PTPRD: variants seen among roughly 807,000 people sequenced by gnomAD.
PTPRD encodes the protein receptor-type tyrosine-protein phosphatase delta.
Under a neutral mutation model 214.5 loss-of-function variants are expected in PTPRD, and 34 were observed. The observed-to-expected ratio is 0.16, with a 90% confidence interval of 0.12 to 0.21. PTPRD has a LOEUF of 0.21. Among genes scored for constraint, PTPRD ranks in the 10% least tolerant of loss-of-function variants. The probability of loss-of-function intolerance (pLI) is 1.00; values close to 1 mark genes in which losing one functional copy is unlikely to be tolerated. For missense variants in PTPRD, 2,545 were observed against 2,398.7 expected, an observed-to-expected ratio of 1.06 and a Z score of -1.27; for synonymous variants, 1,128 against 845.7, an observed-to-expected ratio of 1.33 and a Z score of -5.79.
intron 11 of PTPRD, among the ~76,000 whole-genome samples, chr9:9,008,762 T>G (rs887601242): frequency 6.6e-6 from 1 of 152,280 alleles, no homozygotes; most frequent in African/African-American, 2.4e-5. Context: ...ATTACTGGGA[T>G]TTGCTGGTAA....
intron 11 of PTPRD, among the ~76,000 whole-genome samples, chr9:8,749,036 T>C (rs2093228498): frequency 6.6e-6 from 1 of 152,212 alleles, no homozygotes. Context: ...ATACATTTAC[T>C]ATGCTACTAA....
intron 9 of PTPRD, among the ~76,000 whole-genome samples, chr9:9,228,077 C>G (rs1176380339): frequency 6.6e-6 from 1 of 152,074 alleles, no homozygotes; most frequent in Non-Finnish European, 1.5e-5. Flanking sequence ...AATTGCTGGG[C>G]ACAGTAGCCC....
chr9:10,122,628 G>A (rs754039498), intron 3 of PTPRD, among the ~76,000 whole-genome samples: 22 of 152,138 alleles, frequency 1.4e-4, no homozygotes, highest in Admixed American at 6.5e-4. Flanking sequence ...CCACACATTG[G>A]GCTCAATTAA....
chr9:8,818,650 G>C (rs1428692853), intron 11 of PTPRD, among the ~76,000 whole-genome samples: 5 of 152,288 alleles, frequency 3.3e-5, no homozygotes, highest in African/African-American at 1.2e-4. Flanking sequence ...TACTGAATTA[G>C]TATTATATTC....
In PTPRD at chr9:9,134,628, G is replaced by T. The variant is rs919718262; in HGVS notation, c.-143+48676C>A. ...ATTTAGGTATTTGAAATGCCCACAAGGCCCAGTGGAGACTCTCCCTTTCTC... is the reference window on the plus strand; with the variant it reads ...ATTTAGGTATTTGAAATGCCCACAATGCCCAGTGGAGACTCTCCCTTTCTC... On this transcript the variant is annotated intron_variant, in intron 10 of 45. Coordinates refer to ENST00000381196, the MANE Select transcript of PTPRD (RefSeq NM_002839.4). Among the ~76,000 whole-genome samples, 14 of 152,232 alleles carry T rather than the reference G, an allele frequency of 9.2e-5. No individual in the cohort carries two copies. The South Asian group carries it at 2.9e-3, about 32-fold the overall frequency.
At position 9,932,450 on chromosome 9, in the gene PTPRD, T is replaced by C. The variant is rs868440661; in HGVS notation, c.-368+6057A>G. On this transcript the variant is annotated intron_variant, in intron 5 of 45. Coordinates refer to ENST00000381196, the MANE Select transcript of PTPRD (RefSeq NM_002839.4). ...AGAATGCAGAAGCCTCAGGAGCCGA[T>C]GCAATCAACTGGAAGAAAGGGTATC... Among the ~76,000 whole-genome samples the C allele has an allele frequency of 7.4e-3, 1,087 of 147,042 alleles. 13 individuals carry two copies. The highest frequency in any genetic ancestry group is 0.026 in the African/African-American group (1,027 of 38,784).
chr9:9,478,827 C>A (rs2095251436), intron 8 of PTPRD, among the ~76,000 whole-genome samples: 1 of 152,306 alleles, frequency 6.6e-6, no homozygotes, highest in Non-Finnish European at 1.5e-5. Context: ...GAATTCTGCT[C>A]TGTTGGAGGT....
intron 3 of PTPRD, among the ~76,000 whole-genome samples, chr9:10,150,020 C>A (rs761936251): frequency 4.6e-5 from 7 of 151,976 alleles, no homozygotes; most frequent in African/African-American, 1.7e-4. Context: ...TGAGCCATGG[C>A]GTCTGGCCCT....
intron 3 of PTPRD, among the ~76,000 whole-genome samples, chr9:10,108,987 C>G (rs557508794): frequency 6.6e-6 from 1 of 152,100 alleles, no homozygotes; most frequent in African/African-American, 2.4e-5. Flanking sequence ...CCTTCAGTAG[C>G]ACTAGGACTA....
chr9:8,777,642 G>C (rs2095537427), intron 11 of PTPRD, among the ~76,000 whole-genome samples: 1 of 152,136 alleles, frequency 6.6e-6, no homozygotes, highest in Non-Finnish European at 1.5e-5. Context: ...CCAACACTTA[G>C]CAATCTTAAA....
At chr9:9,363,111 CT>C (rs3048061) in intron 9 of PTPRD, among the ~76,000 whole-genome samples, 86,977 of 129,694 alleles carry the variant, frequency 0.67, 29,362 homozygotes, top group Middle Eastern at 0.77. Context: ...CTATTTTGTG[CT>C]TTTTTTTTTT....
At chr9:9,404,926 C>G (rs2072657550) in intron 8 of PTPRD, among the ~76,000 whole-genome samples, 1 of 152,102 alleles carries the variant, frequency 6.6e-6, no homozygotes, top group Non-Finnish European at 1.5e-5. Flanking sequence ...ATGCCACATT[C>G]TGTGCTTTCT....
intron 7 of PTPRD, among the ~76,000 whole-genome samples, chr9:9,590,593 G>T (rs2092626535): frequency 2.0e-5 from 3 of 151,698 alleles, no homozygotes; most frequent in Admixed American, 2.0e-4. Flanking sequence ...TTTTAAAATA[G>T]AAATGGCTTC....
At chr9:10,380,824 G>A (rs2097805030) in intron 2 of PTPRD, among the ~76,000 whole-genome samples, 2 of 151,986 alleles carry the variant, frequency 1.3e-5, no homozygotes, top group Admixed American at 1.3e-4. Context: ...TAGATATTCT[G>A]TGCCATGTAT....
chr9:8,318,246 C>T (rs1293911571), intron 45 of PTPRD, among the ~76,000 whole-genome samples: 1 of 151,936 alleles, frequency 6.6e-6, no homozygotes, highest in Non-Finnish European at 1.5e-5. Context: ...ACCATTACCA[C>T]CAATTGAACA....
Position 8,961,152 on chromosome 9 carries a change from G to T in PTPRD, c.-104+57545C>A, listed in dbSNP as rs367684310. ...AAGGAACACCTAAGTTGCCTAGGGG[G>T]ACAGGGGAAGACTTCAGAGAGGAGC... is the stretch of plus-strand genomic sequence containing the variant. On this transcript the variant is annotated intron_variant, in intron 11 of 45. Transcript: ENST00000381196. Among the ~76,000 whole-genome samples the T allele has an allele frequency of 3.4e-4, 52 of 152,202 alleles. 1 individual carries two copies. Among genetic ancestry groups the T allele is most frequent in the Non-Finnish European group, 6.2e-4 (42 of 68,000 alleles).
intron 39 of PTPRD, among the ~76,000 whole-genome samples, chr9:8,347,197 ATAC>A (rs2074088348): frequency 2.6e-5 from 4 of 152,182 alleles, no homozygotes; most frequent in African/African-American, 9.6e-5. Flanking sequence ...AAATCAGGAA[ATAC>A]TACTTTTTTT....
At chr9:8,676,730 T>A (rs1291547860) in intron 12 of PTPRD, among the ~76,000 whole-genome samples, 1 of 152,128 alleles carries the variant, frequency 6.6e-6, no homozygotes, top group Non-Finnish European at 1.5e-5. Context: ...TGCGCCACCA[T>A]GCCCAGCTAA....
chr9:8,415,040 G>A (rs770329876), intron 35 of PTPRD, among the ~76,000 whole-genome samples: 1 of 151,954 alleles, frequency 6.6e-6, no homozygotes, highest in Non-Finnish European at 1.5e-5. Flanking sequence ...ATGGATAGGT[G>A]GGTGGGAAAA....
Sources: gnomAD v4.1 joint callset for allele counts (sites outside exome capture counted in the v4.1 genomes callset) on GRCh38, gnomAD v4.1.1 for gene constraint, MANE v1.5 for transcripts, NCBI Gene and HGNC (gene_info 2026-07-23, HGNC 2026-07-21) for gene names.